Variants in MCM3 observed in about 807,000 individuals in gnomAD.
The protein encoded by MCM3 is minichromosome maintenance complex component 3.
In MCM3, 59 loss-of-function variants were observed where a neutral mutation model predicts 91.3. The ratio of observed to expected loss-of-function variants is 0.65; its 90% CI spans 0.52 to 0.80. MCM3 has a LOEUF of 0.80. Among genes scored for constraint, MCM3 ranks in the 30% least tolerant of loss-of-function variants. The pLI, the probability that MCM3 is intolerant of heterozygous loss-of-function variation, is 0.00. For synonymous variants in MCM3, 383 were observed against 379.6 expected (o/e 1.01, Z -0.10); for missense variants, 919 against 1,035.4 (o/e 0.89, Z 1.54).
chr6:52,269,805 T>C (rs1000378443), intron 12 of MCM3, among the ~76,000 whole-genome samples: 1 of 151,856 alleles, frequency 6.6e-6, no homozygotes, highest in Non-Finnish European at 1.5e-5. Flanking sequence ...GATGCCTTTA[T>C]CTTTTAAAAT....
intron 16 of MCM3, among the ~76,000 whole-genome samples, chr6:52,265,733 G>A (rs1764593424): frequency 6.6e-6 from 1 of 151,578 alleles, no homozygotes. Flanking sequence ...AAAAACAAAT[G>A]GCCAAAATGT....
intron 9 of MCM3, among the ~76,000 whole-genome samples, chr6:52,274,235 C>T (rs1765375506): frequency 1.3e-5 from 2 of 152,152 alleles, no homozygotes; most frequent in African/African-American, 4.8e-5. Flanking sequence ...AAGGCAGGAC[C>T]TGACTCTGAA....
chr6:52,269,279 C>G, intron 12 of MCM3, 53 bp from the exon 13 acceptor site: 3 of 1,562,948 alleles, frequency 1.9e-6, no homozygotes, highest in South Asian at 1.2e-5. Flanking sequence ...GCATGCCCAT[C>G]AATCCTACTG....
At chr6:52,280,113 T>TA (rs17239901) in intron 4 of MCM3, among the ~76,000 whole-genome samples, 8,343 of 152,218 alleles carry the variant, frequency 0.055, 770 homozygotes, top group African/African-American at 0.19. Flanking sequence ...ATGTTGAGCA[T>TA]AAAAAGCCCA....
chr6:52,273,310 G>A lies in MCM3; in HGVS notation c.1596C>T (p.Pro532=). 7.4e-6 allele frequency: 12 copies of A among 1,614,138 alleles called. No homozygotes were observed. Among genetic ancestry groups the A allele is most frequent in the Non-Finnish European group, 1.0e-5 (12 of 1,180,016 alleles). Reference sequence around the variant, plus strand: ...CCTGCTGATCTTCCTGGCTAAAGTTGGGATCATCTGTGGCCAGGATATCCA... The same window carrying A: ...CCTGCTGATCTTCCTGGCTAAAGTTAGGATCATCTGTGGCCAGGATATCCA... The part of the protein sequence containing the change: ...SAVDILATDD[P]NFSQEDQQDT... Residue 532 remains proline, a synonymous_variant, in exon 11 of 17, where the codon CCC becomes CCT. Transcript: ENST00000596288.
chr6:52,268,069 TC>T, intron 13 of MCM3, 101 bp from the exon 14 acceptor site: 1 of 1,526,550 alleles, frequency 6.6e-7, no homozygotes, highest in Non-Finnish European at 9.0e-7. Flanking sequence ...AGGAAAGACT[TC>T]CATGTTTCCA....
At chr6:52,264,848 G>A in intron 16 of MCM3, 62 bp from the exon 17 acceptor site, 1 of 1,405,770 alleles carries the variant, frequency 7.1e-7, no homozygotes, top group Non-Finnish European at 1.0e-6. Flanking sequence ...TCAGGAAACA[G>A]CTATACTAGG....
intron 14 of MCM3, 93 bp downstream of exon 14, chr6:52,267,772 C>T (rs990402819): frequency 5.7e-6 from 4 of 707,092 alleles, no homozygotes; most frequent in African/African-American, 3.5e-5. Flanking sequence ...GTGACCCACC[C>T]GCCTCGGCCT....
At chr6:52,266,425 T>C (rs1241018902) in intron 15 of MCM3, among the ~76,000 whole-genome samples, 186 bp downstream of exon 15, 1 of 152,180 alleles carries the variant, frequency 6.6e-6, no homozygotes, top group Non-Finnish European at 1.5e-5. Flanking sequence ...AGGAGGTGTA[T>C]ATAATATAGC....
rs561427947 is a variant in MCM3 at position 52,264,748 on chromosome 6, C to T, written c.2267G>A (p.Arg756Gln). 4 of 1,614,068 alleles carry T rather than the reference C, an allele frequency of 2.5e-6. No individual in the cohort carries two copies. The highest frequency in any genetic ancestry group is 3.4e-6 in the Non-Finnish European group (4 of 1,180,032). The change falls in exon 17 of 17, where the codon CGG becomes CAG. Residue 756 changes from arginine (R) to glutamine (Q), a missense_variant. By Grantham distance (43) the Arg-to-Gln change is conservative. Around this residue, in one of 3 missense-constraint regions of MCM3, gnomAD observed 285 missense variants for 311.4 expected, o/e 0.92. Coordinates refer to ENST00000596288, the MANE Select transcript of MCM3 (RefSeq NM_002388.6). ...AFKVALLDVF[R>Q]EAHAQSIGMN... ...GCCGATTGACTGCGCATGAGCTTCC[C>T]GGAACACATCCAAGAGGGCCACCTT...
chr6:52,275,815 CAG>C (rs1359873576), intron 9 of MCM3, among the ~76,000 whole-genome samples: 2 of 152,292 alleles, frequency 1.3e-5, no homozygotes, highest in East Asian at 1.9e-4. Context: ...ATGGTAAAAA[CAG>C]AGATAATTCT....
In MCM3 at chr6:52,266,136, G is replaced by C. The variant is rs766774428; in HGVS notation, c.2167C>G (p.Pro723Ala). The C allele has an allele frequency of 1.2e-6, 2 of 1,613,732 alleles. No homozygotes were observed. Among genetic ancestry groups the C allele is most frequent in the East Asian group, 2.2e-5 (1 of 44,882 alleles). ...TEEEMPQVHT[P>A]KTADSQETKE... ...GTCTCCTGTGAGTCTGCCGTCTTTG[G>C]AGTGTGTACTTCAGAGGGTTGATGG... The change falls in exon 16 of 17, where the codon CCA (proline) becomes GCA (alanine). Residue 723 changes from proline (P) to alanine (A), a missense_variant. Around this residue, in one of 3 missense-constraint regions of MCM3, gnomAD observed 285 missense variants for 311.4 expected, o/e 0.92. Coordinates refer to ENST00000596288, the MANE Select transcript of MCM3 (RefSeq NM_002388.6).
In MCM3 at chr6:52,266,107, C is replaced by T. The variant is rs1397697402; in HGVS notation, c.2196G>A (p.Lys732=). The change falls in exon 16 of 17, where the codon AAG becomes AAA. Residue 732 remains lysine, a synonymous_variant. Transcript: ENST00000596288. ...CACTCAACTCCACTTTCTGGGATTC[C>T]TTGGTCTCCTGTGAGTCTGCCGTCT... ...TPKTADSQET[K]ESQKVELSES... 5.6e-6 allele frequency: 9 copies of T among 1,614,054 alleles called. No individual in the cohort carries two copies. The highest frequency in any genetic ancestry group is 6.8e-6 in the Non-Finnish European group (8 of 1,179,972).
chr6:52,273,476 A>C, intron 10 of MCM3, 120 bp from the exon 11 acceptor site: 1 of 1,012,934 alleles, frequency 9.9e-7, no homozygotes. Flanking sequence ...CCCAAAAAGA[A>C]TCAGACACAT....
At chr6:52,271,537 G>A (rs1006284408) in intron 12 of MCM3, among the ~76,000 whole-genome samples, 8 of 152,172 alleles carry the variant, frequency 5.3e-5, no homozygotes, top group Admixed American at 5.2e-4. Flanking sequence ...AGCTACTCAG[G>A]AGGCTGAGGC....
intron 13 of MCM3, among the ~76,000 whole-genome samples, 188 bp from the exon 14 acceptor site, chr6:52,268,156 A>T (rs757764036): frequency 1.3e-4 from 20 of 152,336 alleles, no homozygotes; most frequent in Non-Finnish European, 2.2e-4. Context: ...CATCTTTTCA[A>T]AATGCTGGGA....
chr6:52,270,191 T>G (rs1187693150), intron 12 of MCM3, among the ~76,000 whole-genome samples: 1 of 151,826 alleles, frequency 6.6e-6, no homozygotes, highest in African/African-American at 2.4e-5. Context: ...TAGCCCGGTG[T>G]GGTGGCGCAT....
chr6:52,272,258 T>G, intron 12 of MCM3, 43 bp downstream of exon 12: 1 of 1,594,990 alleles, frequency 6.3e-7, no homozygotes, highest in Non-Finnish European at 8.6e-7. Context: ...TGCCCAGCCA[T>G]ATACCTAAGG....
chr6:52,282,562 G>C, intron 3 of MCM3, 91 bp downstream of exon 3: 1 of 1,226,944 alleles, frequency 8.2e-7, no homozygotes, highest in South Asian at 1.3e-5. Flanking sequence ...CCTCTTTGAA[G>C]CCACAAGCTA....
Sources: allele counts gnomAD v4.1 joint callset (sites outside exome capture counted in the v4.1 genomes callset), GRCh38; gene constraint gnomAD v4.1.1; regional missense constraint gnomAD v4.1.1; transcripts MANE v1.5; gene names NCBI Gene and HGNC (gene_info 2026-07-23, HGNC 2026-07-21).